The following MVB12B variants were observed in gnomAD, a reference collection of about 807,000 sequenced individuals.
MVB12B encodes the protein ESCRT-I complex subunit MVB12B.
MVB12B carries 16 observed loss-of-function variants against 41.6 expected under a neutral mutation model. The observed-to-expected ratio is 0.38, with a 90% CI of 0.26 to 0.58. The LOEUF (loss-of-function observed/expected upper bound fraction) is 0.58, where lower values mean the gene tolerates loss of function less well. MVB12B is among the 20% of genes least tolerant of loss of function. MVB12B has a pLI of 0.62. For synonymous variants in MVB12B, 133 were observed against 139.7 expected (o/e 0.95, Z 0.34); for missense variants, 274 against 380.2 (o/e 0.72, Z 2.32).
Position 126,478,235 on chromosome 9 carries a change from C to T in MVB12B, c.758-3134C>T, listed in dbSNP as rs1416740055. ...GAAGTGATTCCCAGGCTTCTTCCAT[C>T]CATGGCTTTCATCTCCAGCAGCAGC... On this transcript the variant is annotated intron_variant, in intron 7 of 9. Coordinates refer to ENST00000361171, the MANE Select transcript of MVB12B (RefSeq NM_033446.3). This position sits in a 1 kb window ranked among gnomAD's most constrained non-coding sequence, Gnocchi z 4.2. Among the ~76,000 whole-genome samples, 2 of 152,194 alleles carry T rather than the reference C, an allele frequency of 1.3e-5. No individual in the cohort carries two copies. Among genetic ancestry groups the T allele is most frequent in the Admixed American group, 1.3e-4 (2 of 15,286 alleles).
chr9:126,494,105 T>C (rs538970052), intron 9 of MVB12B, among the ~76,000 whole-genome samples: 12 of 152,318 alleles, frequency 7.9e-5, no homozygotes, highest in African/African-American at 2.9e-4. Context: ...GTTTTTTTTT[T>C]CCTTCATGTT....
At chr9:126,408,188 T>A (rs990955883) in intron 6 of MVB12B, 2 of 152,186 alleles carry the variant, frequency 1.3e-5, no homozygotes, top group African/African-American at 4.8e-5. Context: ...ATTAGCCTAA[T>A]GATTTTGCCG....
At chr9:126,471,640 A>G (rs1180024887) in intron 7 of MVB12B, among the ~76,000 whole-genome samples, 1 of 152,118 alleles carries the variant, frequency 6.6e-6, no homozygotes, top group Non-Finnish European at 1.5e-5. Flanking sequence ...TGGTTTGCAA[A>G]TGAGTTTTGA....
At chr9:126,364,286 C>T (rs1436777820) in intron 2 of MVB12B, among the ~76,000 whole-genome samples, 1 of 152,212 alleles carries the variant, frequency 6.6e-6, no homozygotes, top group Non-Finnish European at 1.5e-5. Context: ...CTCCTGTCAT[C>T]GGGCATGACT....
Position 126,346,644 on chromosome 9 carries a change from A to G in MVB12B, c.204+6014A>G, listed in dbSNP as rs112307251. ...CGGGCATAAGTGGGCTTGTCTAGGG[A>G]GGGTTGTGGGACTAGAAGAGAGGGT... On this transcript the variant is annotated intron_variant, in intron 2 of 9. Coordinates refer to ENST00000361171, the MANE Select transcript of MVB12B (RefSeq NM_033446.3). 5.3e-3 allele frequency among the ~76,000 whole-genome samples: 804 copies of G among 152,026 alleles called. 7 individuals are homozygous for G. The highest frequency in any genetic ancestry group is 0.019 in the African/African-American group (781 of 41,468).
rs1444609470 is a variant in MVB12B at position 126,391,807 on chromosome 9, TTAGAA to T, written c.410-258_410-254del. Among the ~76,000 whole-genome samples, 1 of 152,200 alleles carries T rather than the reference TTAGAA, an allele frequency of 6.6e-6. No individual in the cohort carries two copies. Among genetic ancestry groups the T allele is most frequent in the Non-Finnish European group, 1.5e-5 (1 of 68,020 alleles). The stretch of plus-strand genomic sequence containing the variant: ...AGTGAGCAGATTGTGGTTGCGGCTC[TTAGAA>T]GCCACCCAGATTTACTGCAGGGTGT... On this transcript the variant is annotated intron_variant, in intron 4 of 9. Transcript: ENST00000361171. The surrounding 1 kb of genome is among the most constrained non-coding windows in gnomAD (Gnocchi z 4.4).
Position 126,395,958 on chromosome 9 carries a change from T to C in MVB12B, c.662+261T>C, listed in dbSNP as rs1831102169. ...GCAGATTATGCAACTTAAAATTGGCTCCCTATTCAAAAGAGCTGCTAGCTA... is the reference window on the plus strand; with the variant it reads ...GCAGATTATGCAACTTAAAATTGGCCCCCTATTCAAAAGAGCTGCTAGCTA... On this transcript the variant is annotated intron_variant, in intron 6 of 9. Transcript: ENST00000361171. This position sits in a 1 kb window ranked among gnomAD's most constrained non-coding sequence, Gnocchi z 4.9. 7.8e-7 allele frequency: 1 copy of C among 1,284,738 alleles called. No homozygotes were observed. Among genetic ancestry groups the C allele is most frequent in the South Asian group, 1.9e-5 (1 of 52,882 alleles). The allele number at this position is 1,284,738 out of a possible 1,614,324, so 79.6% of individuals were successfully genotyped here. A position where few individuals can be genotyped will look rare whatever the true frequency, so the allele number is the denominator to read the frequency against.
At chr9:126,439,263 G>T (rs767269229) in intron 7 of MVB12B, among the ~76,000 whole-genome samples, 2 of 151,334 alleles carry the variant, frequency 1.3e-5, no homozygotes, top group Non-Finnish European at 2.9e-5. Context: ...AGCTCACAGG[G>T]TCCGCTGGGG....
Position 126,386,557 on chromosome 9 carries a change from C to T in MVB12B, c.313-5C>T. 1.2e-6 allele frequency: 2 copies of T among 1,611,246 alleles called. No homozygotes were observed. Among genetic ancestry groups the T allele is most frequent in the Non-Finnish European group, 1.7e-6 (2 of 1,177,572 alleles). ...TAGTCTGTATCTCTTTTCTTTCTTC[C>T]CAAGAGTCATCTGGGGAACGTGTTA... On this transcript the variant is annotated splice_polypyrimidine_tract_variant and splice_region_variant and intron_variant, in intron 3 of 9. Coordinates refer to ENST00000361171, the MANE Select transcript of MVB12B (RefSeq NM_033446.3). This position sits in a 1 kb window ranked among gnomAD's most constrained non-coding sequence, Gnocchi z 4.3.
intron 6 of MVB12B, among the ~76,000 whole-genome samples, chr9:126,411,232 A>G (rs1292461847): frequency 6.6e-6 from 1 of 152,084 alleles, no homozygotes; most frequent in Non-Finnish European, 1.5e-5. Flanking sequence ...ATATAACCAT[A>G]TTGTCCTTTA....
At chr9:126,384,860 A>G (rs1344400807) in intron 3 of MVB12B, among the ~76,000 whole-genome samples, 1 of 131,008 alleles carries the variant, frequency 7.6e-6, no homozygotes, top group African/African-American at 3.0e-5. Context: ...TTTTTGAGAC[A>G]GAGTCTCACT....
chr9:126,367,233 C>T lies in MVB12B; in HGVS notation c.205-13831C>T, dbSNP rs373408077. On this transcript the variant is annotated intron_variant, in intron 2 of 9. Coordinates refer to ENST00000361171, the MANE Select transcript of MVB12B (RefSeq NM_033446.3). The surrounding 1 kb of genome is among the most constrained non-coding windows in gnomAD (Gnocchi z 4.3). ...ACTCTGAGAATTTCTCCTTCCTGCC[C>T]GGGGCTCTCCAGCCACGCTCCCCCT... Among the ~76,000 whole-genome samples the T allele has an allele frequency of 1.7e-4, 26 of 152,194 alleles. No individual in the cohort carries two copies. The highest frequency in any genetic ancestry group is 3.9e-4 in the African/African-American group (16 of 41,528).
At position 126,446,511 on chromosome 9, in the gene MVB12B, C is replaced by CAAA. The variant is rs34637951; in HGVS notation, c.757+24579_757+24581dup. Among the ~76,000 whole-genome samples, 55 of 113,764 alleles carry CAAA rather than the reference C, an allele frequency of 4.8e-4. No individual in the cohort carries two copies. In the East Asian group the frequency reaches 6.1e-3, roughly 13 times the overall value. 74.6% of individuals were successfully genotyped at this position (113,764 alleles called of 152,430 possible). A position where few individuals can be genotyped will look rare whatever the true frequency, so the allele number is the denominator to read the frequency against. On this transcript the variant is annotated intron_variant, in intron 7 of 9. Coordinates refer to ENST00000361171, the MANE Select transcript of MVB12B (RefSeq NM_033446.3). Reference sequence around the variant, plus strand: ...GTTCATTTTGGGGAAAAAAGAACACCAAAAAAAAAAAAAAAAAATCCTGTC... The same window carrying CAAA: ...GTTCATTTTGGGGAAAAAAGAACACCAAAAAAAAAAAAAAAAAAAAATCCTGTC...
chr9:126,444,594 T>G (rs1014482337), intron 7 of MVB12B, among the ~76,000 whole-genome samples: 2 of 152,204 alleles, frequency 1.3e-5, no homozygotes, highest in Admixed American at 6.5e-5. Context: ...GCTCTCACAT[T>G]ACTACCGCTT....
At chr9:126,476,702 C>G in intron 7 of MVB12B, among the ~76,000 whole-genome samples, 1 of 151,742 alleles carries the variant, frequency 6.6e-6, no homozygotes, top group South Asian at 2.1e-4. Flanking sequence ...CGGTGAAACC[C>G]TGTATCTACT....
chr9:126,410,179 A>G (rs4837079), intron 6 of MVB12B, among the ~76,000 whole-genome samples: 71,092 of 151,002 alleles, frequency 0.47, 16,880 homozygotes, highest in East Asian at 0.55. Flanking sequence ...GTGTGCACGC[A>G]TGCACGCGCA....
intron 7 of MVB12B, among the ~76,000 whole-genome samples, chr9:126,424,622 A>G (rs1832119321): frequency 6.6e-6 from 1 of 152,214 alleles, no homozygotes; most frequent in African/African-American, 2.4e-5. Flanking sequence ...ACATCCACTC[A>G]GCAATTTGAG....
chr9:126,447,158 T>G (rs1458438126), intron 7 of MVB12B, among the ~76,000 whole-genome samples: 1 of 151,278 alleles, frequency 6.6e-6, no homozygotes, highest in Non-Finnish European at 1.5e-5. Flanking sequence ...TTGGCCAGGC[T>G]GGTCTCCAAC....
At chr9:126,482,397 C>T (rs977869724) in intron 8 of MVB12B, among the ~76,000 whole-genome samples, 1 of 152,240 alleles carries the variant, frequency 6.6e-6, no homozygotes, top group African/African-American at 2.4e-5. Flanking sequence ...TTTCCATTTT[C>T]GTGAAATAGA....
Sources: allele counts gnomAD v4.1 joint callset (sites outside exome capture counted in the v4.1 genomes callset), GRCh38; gene constraint gnomAD v4.1.1; non-coding constraint Gnocchi (gnomAD v3.1); transcripts MANE v1.5; gene names NCBI Gene and HGNC (gene_info 2026-07-23, HGNC 2026-07-21).